Variants in ABAT observed in about 807,000 individuals in gnomAD.
ABAT encodes 4-aminobutyrate aminotransferase, mitochondrial.
Under a neutral mutation model 64.6 loss-of-function variants are expected in ABAT, and 45 were observed. That is an observed-to-expected ratio of 0.70 (90% confidence interval 0.55 to 0.89). The LOEUF (loss-of-function observed/expected upper bound fraction) is 0.89. Ranked by LOEUF, ABAT falls within the 40% of genes least tolerant of loss-of-function variation. ABAT has a pLI of 0.00. For synonymous variants in ABAT, 297 were observed against 250.5 expected (o/e 1.19, Z -1.75); for missense variants, 633 against 658.4 (o/e 0.96, Z 0.42).
intron 5 of ABAT, among the ~76,000 whole-genome samples, chr16:8,752,314 C>T (rs1279804121): frequency 6.6e-6 from 1 of 152,164 alleles, no homozygotes; most frequent in Non-Finnish European, 1.5e-5. Flanking sequence ...AAGGGATGGG[C>T]TCTTGAGTTG....
At chr16:8,759,964 G>A (rs573485122) in intron 6 of ABAT, among the ~76,000 whole-genome samples, 95 of 152,316 alleles carry the variant, frequency 6.2e-4, no homozygotes, top group African/African-American at 2.0e-3. Flanking sequence ...TGTAATCGCA[G>A]ACTGTGTATC....
At chr16:8,683,088 G>A (rs1022093061) in intron 1 of ABAT, among the ~76,000 whole-genome samples, 2 of 152,168 alleles carry the variant, frequency 1.3e-5, no homozygotes, top group East Asian at 1.9e-4. Context: ...TTTGCCTGAC[G>A]TTATCTCTTG....
intron 1 of ABAT, among the ~76,000 whole-genome samples, chr16:8,732,196 G>GTTTTTTTT (rs746087281): frequency 3.7e-3 from 67 of 18,182 alleles, no homozygotes; most frequent in Middle Eastern, 0.026. Context: ...GGTTTTTTTT[G>GTTTTTTTT]TTTTTTTTTT....
intron 1 of ABAT, among the ~76,000 whole-genome samples, chr16:8,689,921 C>CA (rs1178721386): frequency 6.6e-6 from 1 of 152,314 alleles, no homozygotes; most frequent in East Asian, 1.9e-4. Context: ...CTTTAAACTA[C>CA]ATTCAACAGC....
intron 1 of ABAT, among the ~76,000 whole-genome samples, chr16:8,724,771 A>C (rs1396859034): frequency 7.3e-6 from 1 of 136,680 alleles, no homozygotes; most frequent in African/African-American, 2.6e-5. Flanking sequence ...AAAAAAAAAC[A>C]ATGGCAATCT....
In ABAT at chr16:8,776,066, G is replaced by T. The variant is rs1038771156; in HGVS notation, c.1123-278G>T. On this transcript the variant is annotated intron_variant, in intron 13 of 15. Transcript: ENST00000268251. This position sits in a 1 kb window ranked among gnomAD's most constrained non-coding sequence, Gnocchi z 4.4. ...CTGTCTTGGTTTCCTGGGACTGAGG[G>T]ATTTCCCAGTGCATGGGACGATTTG... Among the ~76,000 whole-genome samples, 1 of 152,164 alleles carries T rather than the reference G, an allele frequency of 6.6e-6. No homozygotes were observed. Among genetic ancestry groups the T allele is most frequent in the Non-Finnish European group, 1.5e-5 (1 of 68,022 alleles).
intron 1 of ABAT, among the ~76,000 whole-genome samples, chr16:8,686,756 C>T (rs2057464895): frequency 6.6e-6 from 1 of 152,196 alleles, no homozygotes; most frequent in African/African-American, 2.4e-5. Context: ...CTGGCTCTGA[C>T]CTCAGTTTAC....
intron 1 of ABAT, among the ~76,000 whole-genome samples, chr16:8,720,374 C>T (rs978099033): frequency 3.3e-5 from 5 of 152,384 alleles, no homozygotes; most frequent in East Asian, 1.9e-4. Context: ...ACATCATTCT[C>T]AGTCTTTCTT....
rs139091284 is a variant in ABAT at position 8,779,378 on chromosome 16, G to A, written c.1270-101G>A. ...GGTCCTGCCAGTCCATGCAGAGGCC[G>A]AGGCTGGACCATGGGAGGCCTTTGA... On this transcript the variant is annotated intron_variant, in intron 14 of 15. Transcript: ENST00000268251. 2,376 of 989,492 alleles carry A rather than the reference G, an allele frequency of 2.4e-3. 45 individuals are homozygous for A. The Admixed American group carries it at 0.026, about 11-fold the overall frequency. 61.3% of individuals were successfully genotyped at this position (989,492 alleles called of 1,614,324 possible). A position where few individuals can be genotyped will look rare whatever the true frequency, so the allele number is the denominator to read the frequency against.
intron 1 of ABAT, among the ~76,000 whole-genome samples, chr16:8,693,273 A>G (rs1021909109): frequency 4.6e-5 from 7 of 152,200 alleles, no homozygotes; most frequent in African/African-American, 1.7e-4. Flanking sequence ...TATTTTATGC[A>G]TCCATGACAT....
In ABAT at chr16:8,752,921, C is replaced by G. The variant is rs150172173; in HGVS notation, c.316+2382C>G. Among the ~76,000 whole-genome samples, 103 of 152,222 alleles carry G rather than the reference C, an allele frequency of 6.8e-4. No individual in the cohort carries two copies. The East Asian group carries it at 0.02, about 29-fold the overall frequency. On this transcript the variant is annotated intron_variant, in intron 5 of 15. Coordinates refer to ENST00000268251, the MANE Select transcript of ABAT (RefSeq NM_020686.6). Reference sequence around the variant, plus strand: ...TTGGCATATTGCCAAGTGCCTTATACATTATCTCATTAAATGGCTACAGCC... The same window carrying G: ...TTGGCATATTGCCAAGTGCCTTATAGATTATCTCATTAAATGGCTACAGCC...
rs193166473 is a variant in ABAT at position 8,755,894 on chromosome 16, A to G, written c.317-1863A>G. Among the ~76,000 whole-genome samples, 31 of 152,254 alleles carry G rather than the reference A, an allele frequency of 2.0e-4. No homozygotes were observed. In the South Asian group the frequency reaches 2.1e-3, roughly 10 times the overall value. On this transcript the variant is annotated intron_variant, in intron 5 of 15. Transcript: ENST00000268251. ...GAAACCCCGTCTCTACTAAAAATAC[A>G]AAAAATTAGCCAGGCGTGGTGATGG...
chr16:8,772,955 G>A (rs1404138956), intron 12 of ABAT, 38 bp downstream of exon 12: 5 of 1,611,860 alleles, frequency 3.1e-6, no homozygotes, highest in Non-Finnish European at 4.2e-6. Context: ...GAGCCATTGG[G>A]TTTTCTGGGT....
Position 8,713,704 on chromosome 16 carries a change from C to G in ABAT, c.-41-21995C>G, listed in dbSNP as rs1301281074. ...ACCTGTCCCCATGTTTTGGGGACTG[C>G]CTGGAAATCCGGGACACCCTCCTGA... On this transcript the variant is annotated intron_variant, in intron 1 of 15. Transcript: ENST00000268251. 5 of 349,218 alleles carry G rather than the reference C, an allele frequency of 1.4e-5. No individual in the cohort carries two copies. In the East Asian group the frequency reaches 3.9e-4, roughly 27 times the overall value. 21.6% of individuals were successfully genotyped at this position (349,218 alleles called of 1,614,324 possible).
chr16:8,702,675 C>T (rs2057851752), intron 1 of ABAT, among the ~76,000 whole-genome samples: 1 of 151,484 alleles, frequency 6.6e-6, no homozygotes, highest in Non-Finnish European at 1.5e-5. Flanking sequence ...CCAGGCTCCT[C>T]GTCCAACACT....
chr16:8,686,790 T>C (rs929060613), intron 1 of ABAT, among the ~76,000 whole-genome samples: 7 of 152,180 alleles, frequency 4.6e-5, no homozygotes, highest in Non-Finnish European at 8.8e-5. Flanking sequence ...GGTGCAATAA[T>C]GTCTTTGCAC....
intron 1 of ABAT, among the ~76,000 whole-genome samples, chr16:8,726,193 G>C (rs1028913211): frequency 9.9e-5 from 15 of 151,066 alleles, no homozygotes; most frequent in Non-Finnish European, 1.6e-4. Context: ...ACTTGTCTTT[G>C]TGTGCCTGGC....
chr16:8,754,179 T>TAAAA lies in ABAT; in HGVS notation c.317-3555_317-3552dup, dbSNP rs750745519. On this transcript the variant is annotated intron_variant, in intron 5 of 15. Transcript: ENST00000268251. ...AGCCAACATGTTGAAACCCTGTCTA[T>TAAAA]AAAAAAAAAAAAAAAAAAAAAAAAA... Among the ~76,000 whole-genome samples, 72 of 63,834 alleles carry TAAAA rather than the reference T, an allele frequency of 1.1e-3. 7 individuals carry two copies. The highest frequency in any genetic ancestry group is 3.7e-3 in the African/African-American group (66 of 18,058). The allele number at this position is 63,834 out of a possible 152,430, so 41.9% of individuals were successfully genotyped here.
At chr16:8,686,959 G>A (rs2057469254) in intron 1 of ABAT, among the ~76,000 whole-genome samples, 1 of 152,196 alleles carries the variant, frequency 6.6e-6, no homozygotes, top group African/African-American at 2.4e-5. Flanking sequence ...GGCCAACCTT[G>A]TTTGTACTCA....
Sources: gnomAD v4.1 joint callset for allele counts (sites outside exome capture counted in the v4.1 genomes callset) on GRCh38, gnomAD v4.1.1 for gene constraint, Gnocchi (gnomAD v3.1) non-coding constraint, MANE v1.5 for transcripts, NCBI Gene and HGNC (gene_info 2026-07-23, HGNC 2026-07-21) for gene names.